HTT: variants seen among roughly 807,000 people sequenced by gnomAD.
HTT encodes the protein huntington disease protein.
Under a neutral mutation model 362.3 loss-of-function variants are expected in HTT, and 104 were observed. The ratio of observed to expected loss-of-function variants is 0.29; its 90% confidence interval spans 0.24 to 0.34. The LOEUF is 0.34. HTT is among the 10% of genes least tolerant of loss of function. The pLI is 1.00. For synonymous variants in HTT, 1,577 were observed against 1,548.7 expected (o/e 1.02, Z -0.43); for missense variants, 3,301 against 3,928.6 (o/e 0.84, Z 4.27).
intron 37 of HTT, among the ~76,000 whole-genome samples, 186 bp from the exon 38 acceptor site, chr4:3,186,411 G>T (rs887248719): frequency 1.3e-5 from 2 of 152,194 alleles, no homozygotes; most frequent in Admixed American, 1.3e-4. Context: ...TGGGAAAAAT[G>T]TAGCTATACA....
chr4:3,076,472 T>A (rs1003657843), intron 1 of HTT, among the ~76,000 whole-genome samples: 1 of 152,262 alleles, frequency 6.6e-6, no homozygotes, highest in African/African-American at 2.4e-5. Flanking sequence ...CAGTGTTAGC[T>A]TATTTGTTGG....
At chr4:3,224,588 C>G (rs1196056390) in intron 56 of HTT, among the ~76,000 whole-genome samples, 1 of 152,190 alleles carries the variant, frequency 6.6e-6, no homozygotes, top group Non-Finnish European at 1.5e-5. Flanking sequence ...CACTCTCCCA[C>G]CAAGCCTTCC....
intron 42 of HTT, among the ~76,000 whole-genome samples, chr4:3,205,642 A>G (rs1020025173): frequency 1.3e-5 from 2 of 152,204 alleles, no homozygotes; most frequent in Admixed American, 1.3e-4. Flanking sequence ...ATTATGTTCA[A>G]AGGAAATGTT....
rs748388922 is a variant in HTT, at chr4:3,208,887, A to G, written c.6267A>G (p.Ser2089=). Residue 2089 remains serine, a synonymous_variant, in exon 46 of 67, where the codon TCA becomes TCG. Coordinates refer to ENST00000355072, the MANE Select transcript of HTT (RefSeq NM_001388492.1). ...CGCTGGACGGGGATGGGCACGTGTCACTGGAAACAGTGAGTCCGGACAAAG... is the reference window on the plus strand; with the variant it reads ...CGCTGGACGGGGATGGGCACGTGTCGCTGGAAACAGTGAGTCCGGACAAAG... ...SHPLDGDGHV[S]LETVSPDKDW... The G allele has an allele frequency of 2.5e-6, 4 of 1,613,044 alleles. No homozygotes were observed. Among genetic ancestry groups the G allele is most frequent in the East Asian group, 2.2e-5 (1 of 44,882 alleles).
At chr4:3,161,986 A>G (rs1717469775) in intron 29 of HTT, among the ~76,000 whole-genome samples, 1 of 152,200 alleles carries the variant, frequency 6.6e-6, no homozygotes, top group Non-Finnish European at 1.5e-5. Flanking sequence ...TTTAGACATG[A>G]AGTCTTTGCC....
rs745630316 is a variant in HTT at position 3,125,555 on chromosome 4, T to C, written c.1328T>C (p.Val443Ala). Residue 443 changes from valine (V) to alanine (A), a missense_variant, in exon 11 of 67, where the codon GTG becomes GCG. Physicochemically the swap from Val to Ala is moderately conservative, Grantham distance 64. Coordinates refer to ENST00000355072, the MANE Select transcript of HTT (RefSeq NM_001388492.1). ...PVLSRKQKGK[V>A]LLGEEEALED... is the part of the protein sequence containing the mutation. The stretch of plus-strand genomic sequence containing the variant: ...TTGGTACATTATTTACTAGGCAAAG[T>C]GCTCTTAGGAGAAGAAGAAGCCTTG... The C allele has an allele frequency of 6.8e-6, 11 of 1,612,194 alleles. No homozygotes were observed. In the South Asian group the frequency reaches 1.1e-4, roughly 16 times the overall value.
intron 8 of HTT, among the ~76,000 whole-genome samples, chr4:3,118,429 C>T (rs1469170877): frequency 3.3e-5 from 5 of 152,096 alleles, no homozygotes; most frequent in African/African-American, 4.8e-5. Flanking sequence ...AGTCATGAGC[C>T]GTCACTTATG....
chr4:3,141,985 A>G (rs938604251), intron 22 of HTT, among the ~76,000 whole-genome samples: 7 of 152,226 alleles, frequency 4.6e-5, no homozygotes, highest in African/African-American at 1.7e-4. Flanking sequence ...TCTTAATGTC[A>G]TTTCAGAAGA....
At chr4:3,097,237 A>G (rs1192076313) in intron 2 of HTT, among the ~76,000 whole-genome samples, 3 of 152,262 alleles carry the variant, frequency 2.0e-5, no homozygotes, top group Admixed American at 6.5e-5. Flanking sequence ...CATCAAGAAC[A>G]TCAATAAATT....
At position 3,140,640 on chromosome 4, in the gene HTT, G is replaced by T. The variant is rs758715607; in HGVS notation, c.2929G>T (p.Val977Phe). 1.2e-6 allele frequency: 2 copies of T among 1,614,022 alleles called. No individual in the cohort carries two copies. Among genetic ancestry groups the T allele is most frequent in the Admixed American group, 1.7e-5 (1 of 60,006 alleles). The stretch of plus-strand genomic sequence containing the variant: ...GACGCAGCCTCCATCTCATTTCTCC[G>T]TCAGCACAATAACCAGGTATGCTGA... ...HETQPPSHFSVSTITRIYRGY... is the reference protein window; with the variant it reads ...HETQPPSHFSFSTITRIYRGY... Residue 977 changes from valine (V) to phenylalanine (F), a missense_variant, in exon 22 of 67, where the codon GTC (valine) becomes TTC (phenylalanine). By Grantham distance (50) the Val-to-Phe change is conservative (BLOSUM62 -1). Transcript: ENST00000355072.
chr4:3,089,542 T>C (rs1459571188), intron 2 of HTT, among the ~76,000 whole-genome samples: 2 of 152,220 alleles, frequency 1.3e-5, no homozygotes, highest in East Asian at 1.9e-4. Context: ...CGTGAGCCAC[T>C]GCCCCTGGCC....
chr4:3,092,273 C>T (rs1227856683), intron 2 of HTT, among the ~76,000 whole-genome samples: 5 of 152,272 alleles, frequency 3.3e-5, no homozygotes, highest in African/African-American at 7.2e-5. Context: ...CCGCGCCCCT[C>T]GGCCTCCCAG....
At chr4:3,077,541 T>C (rs1229005846) in intron 1 of HTT, among the ~76,000 whole-genome samples, 1 of 152,258 alleles carries the variant, frequency 6.6e-6, no homozygotes, top group East Asian at 1.9e-4. Context: ...TGCCTCAGCC[T>C]TCTGAGTAGC....
chr4:3,143,436 C>CAAAAAAAAAAAAAA (rs1056047426), intron 23 of HTT, among the ~76,000 whole-genome samples: 4 of 70,200 alleles, frequency 5.7e-5, no homozygotes, highest in Admixed American at 1.6e-4. Flanking sequence ...GACTCTGTCT[C>CAAAAAAAAAAAAAA]AAAAAAAAAA....
intron 1 of HTT, among the ~76,000 whole-genome samples, chr4:3,085,916 C>G (rs919967351): frequency 1.3e-5 from 2 of 152,132 alleles, no homozygotes; most frequent in Admixed American, 1.3e-4. Context: ...CTGTTTATCT[C>G]CTTTTGCTTG....
intron 33 of HTT, among the ~76,000 whole-genome samples, chr4:3,177,035 C>T (rs1439665560): frequency 6.6e-6 from 1 of 152,218 alleles, no homozygotes; most frequent in Non-Finnish European, 1.5e-5. Context: ...CTGCCATTAA[C>T]GTGAACAGAT....
intron 2 of HTT, among the ~76,000 whole-genome samples, chr4:3,091,128 AAAG>A (rs1713484278): frequency 6.6e-6 from 1 of 152,250 alleles, no homozygotes; most frequent in Non-Finnish European, 1.5e-5. Context: ...AAAAGAGAAA[AAAG>A]AAAAAGAAAT....
chr4:3,239,757 A>T, intron 66 of HTT, 89 bp from the exon 67 acceptor site: 1 of 1,084,358 alleles, frequency 9.2e-7, no homozygotes, highest in Non-Finnish European at 1.4e-6. Context: ...ACCCCTTTGT[A>T]GACTGTTTCA....
chr4:3,123,065 G>A (rs974053864), intron 10 of HTT, 129 bp downstream of exon 10: 4 of 565,284 alleles, frequency 7.1e-6, no homozygotes, highest in Admixed American at 6.8e-5. Context: ...TCAGATGAGT[G>A]ATTATATGTG....
Sources: gnomAD v4.1 joint callset for allele counts (sites outside exome capture counted in the v4.1 genomes callset) on GRCh38, gnomAD v4.1.1 for gene constraint, MANE v1.5 for transcripts, NCBI Gene and HGNC (gene_info 2026-07-23, HGNC 2026-07-21) for gene names.